PREX2: variants seen among roughly 807,000 people sequenced by gnomAD.
PREX2 encodes the protein phosphatidylinositol-3,4,5-trisphosphate dependent Rac exchange factor 2.
In PREX2, 107 loss-of-function variants were observed where a neutral mutation model predicts 203.2. That is an observed-to-expected ratio of 0.53 (90% CI 0.45 to 0.62). PREX2 has a LOEUF of 0.62. Among genes scored for constraint, PREX2 ranks in the 20% least tolerant of loss-of-function variants. The pLI is 0.00. For missense variants in PREX2, 1,777 were observed against 1,955.9 expected (o/e 0.91, Z 1.72); for synonymous variants, 672 against 663.6 (o/e 1.01, Z -0.19).
intron 35 of PREX2, among the ~76,000 whole-genome samples, chr8:68,162,471 A>T (rs1409590992): frequency 6.6e-6 from 1 of 152,132 alleles, no homozygotes; most frequent in Non-Finnish European, 1.5e-5. Context: ...TTAATTTAAC[A>T]TAACACAATC....
intron 35 of PREX2, among the ~76,000 whole-genome samples, chr8:68,164,886 C>CT (rs71554623): frequency 0.065 from 8,686 of 133,722 alleles, 846 homozygotes; most frequent in African/African-American, 0.2. Flanking sequence ...CCGGCCAAAC[C>CT]TTTTTTTTTT....
In PREX2 at chr8:67,952,379, C is replaced by G. The variant is rs1805372104; in HGVS notation, c.-16C>G. The G allele has an allele frequency of 1.3e-6, 2 of 1,523,172 alleles. No homozygotes were observed. The highest frequency in any genetic ancestry group is 1.8e-6 in the Non-Finnish European group (2 of 1,136,750). 94.4% of individuals were successfully genotyped at this position (1,523,172 alleles called of 1,614,324 possible). A position where few individuals can be genotyped will look rare whatever the true frequency, so the allele number is the denominator to read the frequency against. On this transcript the variant is annotated 5_prime_UTR_variant, in exon 1 of 40. Transcript: ENST00000288368. ...CAGCACGGCGGGCAGCGCCGCGCTG[C>G]GCACCGCCGCCGACCATGAGCGAGG...
At chr8:68,125,933 A>G (rs910857708) in intron 30 of PREX2, among the ~76,000 whole-genome samples, 3 of 151,974 alleles carry the variant, frequency 2.0e-5, no homozygotes, top group Non-Finnish European at 2.9e-5. Context: ...CCATTACGAG[A>G]TTCATCTTCC....
chr8:68,076,329 C>T (rs538231971), intron 14 of PREX2, among the ~76,000 whole-genome samples: 127 of 152,148 alleles, frequency 8.3e-4, no homozygotes, highest in Middle Eastern at 3.4e-3. Flanking sequence ...TGTTGGCATG[C>T]ACCTGCAGTC....
At chr8:67,981,604 T>G (rs1459574155) in intron 1 of PREX2, among the ~76,000 whole-genome samples, 2 of 152,200 alleles carry the variant, frequency 1.3e-5, no homozygotes, top group African/African-American at 2.4e-5. Context: ...AAGTTCGCTG[T>G]GTAACTGGGA....
intron 7 of PREX2, among the ~76,000 whole-genome samples, chr8:68,039,778 T>C (rs1445338942): frequency 2.0e-5 from 3 of 152,186 alleles, no homozygotes; most frequent in African/African-American, 7.2e-5. Flanking sequence ...AAAATCTTCC[T>C]GCATCTGCAT....
intron 1 of PREX2, among the ~76,000 whole-genome samples, chr8:67,956,003 T>G (rs1487801672): frequency 6.6e-6 from 1 of 152,218 alleles, no homozygotes; most frequent in Non-Finnish European, 1.5e-5. Context: ...CACTATTGTT[T>G]CATATATTTT....
intron 1 of PREX2, among the ~76,000 whole-genome samples, chr8:67,997,074 G>A (rs1806787563): frequency 6.6e-6 from 1 of 151,942 alleles, no homozygotes; most frequent in Admixed American, 6.6e-5. Context: ...CATCTTAATG[G>A]GTGGTATTTA....
At chr8:68,219,904 G>T (rs1320037600) in intron 38 of PREX2, among the ~76,000 whole-genome samples, 1 of 151,962 alleles carries the variant, frequency 6.6e-6, no homozygotes, top group Non-Finnish European at 1.5e-5. Context: ...TCAGCCTCAG[G>T]GACAATTACT....
chr8:67,977,702 G>A (rs549919302), intron 1 of PREX2, among the ~76,000 whole-genome samples: 1 of 152,200 alleles, frequency 6.6e-6, no homozygotes, highest in South Asian at 2.1e-4. Flanking sequence ...AGAAATTGAA[G>A]GTTAAGCTAA....
At chr8:68,228,136 C>G (rs117255082) in intron 39 of PREX2, among the ~76,000 whole-genome samples, 1 of 152,170 alleles carries the variant, frequency 6.6e-6, no homozygotes, top group Non-Finnish European at 1.5e-5. Context: ...TACATTGGCT[C>G]TTCAGGGCAA....
chr8:68,105,092 T>C, intron 23 of PREX2: 1 of 1,348,910 alleles, frequency 7.4e-7, no homozygotes. Flanking sequence ...GATGTTCTCA[T>C]GCATGAACCA....
intron 1 of PREX2, among the ~76,000 whole-genome samples, chr8:68,014,723 A>G (rs1003893912): frequency 6.6e-6 from 1 of 152,180 alleles, no homozygotes; most frequent in Non-Finnish European, 1.5e-5. Flanking sequence ...TTTTCCTGTT[A>G]AGACTCATTT....
chr8:68,199,929 T>C (rs1812470191), intron 37 of PREX2, among the ~76,000 whole-genome samples: 1 of 152,202 alleles, frequency 6.6e-6, no homozygotes, highest in Non-Finnish European at 1.5e-5. Context: ...TTTTCTCTAC[T>C]GCACAATGAA....
chr8:68,121,607 G>C (rs1810776326), intron 30 of PREX2, among the ~76,000 whole-genome samples: 1 of 152,134 alleles, frequency 6.6e-6, no homozygotes, highest in East Asian at 1.9e-4. Context: ...GAGATAGATT[G>C]CATGTTGTTT....
chr8:68,077,594 C>A (rs1809389092), intron 15 of PREX2, 125 bp downstream of exon 15: 2 of 756,794 alleles, frequency 2.6e-6, no homozygotes, highest in Non-Finnish European at 4.8e-6. Flanking sequence ...CTGGGTCTTG[C>A]CATGGGTTCA....
intron 25 of PREX2, among the ~76,000 whole-genome samples, chr8:68,113,907 G>T (rs1193833566): frequency 6.6e-6 from 1 of 152,084 alleles, no homozygotes; most frequent in Admixed American, 6.5e-5. Flanking sequence ...TGTTGCCCAG[G>T]CTGGAGTGCA....
intron 25 of PREX2, among the ~76,000 whole-genome samples, chr8:68,114,829 A>G (rs964707559): frequency 6.6e-6 from 1 of 152,124 alleles, no homozygotes; most frequent in African/African-American, 2.4e-5. Flanking sequence ...AGACAATCCA[A>G]TATTCTCCCT....
chr8:67,988,527 G>T (rs1272566380), intron 1 of PREX2, among the ~76,000 whole-genome samples: 1 of 152,110 alleles, frequency 6.6e-6, no homozygotes, highest in Non-Finnish European at 1.5e-5. Context: ...AGCCCCTGAT[G>T]GAAGCTCAGG....
Sources: allele counts gnomAD v4.1 joint callset (sites outside exome capture counted in the v4.1 genomes callset), GRCh38; gene constraint gnomAD v4.1.1; transcripts MANE v1.5; gene names NCBI Gene and HGNC (gene_info 2026-07-23, HGNC 2026-07-21).